VOPP1: variants seen among roughly 807,000 people sequenced by gnomAD.
The protein encoded by VOPP1 is WW domain binding protein VOPP1.
Under a neutral mutation model 23.5 loss-of-function variants are expected in VOPP1, and 8 were observed. The ratio of observed to expected loss-of-function variants is 0.34; its 90% CI spans 0.20 to 0.61. The LOEUF (loss-of-function observed/expected upper bound fraction) is 0.61, where lower values mean the gene tolerates loss of function less well. Ranked by LOEUF, VOPP1 falls within the 20% of genes least tolerant of loss-of-function variation. The pLI, the probability that VOPP1 is intolerant of heterozygous loss-of-function variation, is 0.78. For synonymous variants in VOPP1, 83 were observed against 97.3 expected, an observed-to-expected ratio of 0.85 and a Z score of 0.86; for missense variants, 174 against 238.1, an observed-to-expected ratio of 0.73 and a Z score of 1.77.
At chr7:55,476,365 G>C (rs1048820130) in intron 4 of VOPP1, among the ~76,000 whole-genome samples, 1 of 150,580 alleles carries the variant, frequency 6.6e-6, no homozygotes, top group African/African-American at 2.4e-5. Flanking sequence ...GGGATGGCCA[G>C]GCAGCCTGTA....
At chr7:55,496,861 G>A (rs889344442) in intron 3 of VOPP1, among the ~76,000 whole-genome samples, 1 of 152,232 alleles carries the variant, frequency 6.6e-6, no homozygotes, top group African/African-American at 2.4e-5. Context: ...CTTTTTTGAA[G>A]TTCACTGAAG....
chr7:55,456,950 A>T (rs1171183555), intron 4 of VOPP1, among the ~76,000 whole-genome samples: 2 of 152,128 alleles, frequency 1.3e-5, no homozygotes, highest in Admixed American at 6.5e-5. Context: ...AAGTATAATA[A>T]TATTCTCTTC....
In VOPP1 at chr7:55,472,152, C is replaced by G. The variant is rs1386035918; in HGVS notation, c.*703G>C. 2.0e-5 allele frequency: 3 copies of G among 151,562 alleles called. No individual in the cohort carries two copies. Among genetic ancestry groups the G allele is most frequent in the African/African-American group, 7.3e-5 (3 of 41,192 alleles). 9.4% of individuals were successfully genotyped at this position (151,562 alleles called of 1,614,324 possible). A position where few individuals can be genotyped will look rare whatever the true frequency, so the allele number is the denominator to read the frequency against. ...CAGTTTGGGGCAGGAAGTGATTTCC[C>G]ATGAATTTAAATAAATTTGCTTAGT... On this transcript the variant is annotated 3_prime_UTR_variant, in exon 5 of 5. Transcript: ENST00000285279.
intron 4 of VOPP1, among the ~76,000 whole-genome samples, chr7:55,444,589 C>T (rs1791049190): frequency 6.6e-6 from 1 of 152,164 alleles, no homozygotes; most frequent in African/African-American, 2.4e-5. Flanking sequence ...AAACTGGATA[C>T]AGGACTCATA....
intron 2 of VOPP1, among the ~76,000 whole-genome samples, chr7:55,502,536 A>G (rs924386675): frequency 1.3e-5 from 2 of 152,096 alleles, no homozygotes; most frequent in South Asian, 2.1e-4. Flanking sequence ...GGAGCACACA[A>G]TTACCCAGGT....
At chr7:55,439,713 C>T (rs573095620) in intron 4 of VOPP1, among the ~76,000 whole-genome samples, 3 of 152,336 alleles carry the variant, frequency 2.0e-5, no homozygotes, top group East Asian at 1.9e-4. Flanking sequence ...GAGCAGTGGG[C>T]GCTGCCTCTG....
chr7:55,536,107 G>A (rs1360925484), intron 1 of VOPP1, among the ~76,000 whole-genome samples: 1 of 152,216 alleles, frequency 6.6e-6, no homozygotes, highest in Non-Finnish European at 1.5e-5. Flanking sequence ...AAGCGTTCAG[G>A]AAACCTTTGG....
At chr7:55,506,090 G>A (rs1159805461) in intron 2 of VOPP1, among the ~76,000 whole-genome samples, 4 of 152,098 alleles carry the variant, frequency 2.6e-5, no homozygotes, top group South Asian at 2.1e-4. Flanking sequence ...TTGCTCTGGC[G>A]ACTGTCCTGA....
chr7:55,459,124 CTATTGAGATAATCATAAAG>C (rs1791439180), intron 4 of VOPP1, among the ~76,000 whole-genome samples: 1 of 152,018 alleles, frequency 6.6e-6, no homozygotes, highest in South Asian at 2.1e-4. Context: ...TTTTCTGCAT[CTATTGAGATAATCATAAAG>C]TTTTTTCCTT....
At chr7:55,462,988 T>C (rs1465985341) in intron 4 of VOPP1, among the ~76,000 whole-genome samples, 1 of 152,240 alleles carries the variant, frequency 6.6e-6, no homozygotes, top group Non-Finnish European at 1.5e-5. Flanking sequence ...TTATGATATC[T>C]ATCTCTGTTG....
intron 4 of VOPP1, among the ~76,000 whole-genome samples, chr7:55,490,528 C>T (rs1793491535): frequency 1.3e-5 from 2 of 152,206 alleles, no homozygotes; most frequent in Admixed American, 1.3e-4. Flanking sequence ...ACTCTGAGCT[C>T]GGCCAGGACC....
intron 2 of VOPP1, among the ~76,000 whole-genome samples, chr7:55,506,425 T>A (rs1370848333): frequency 1.3e-5 from 2 of 152,234 alleles, no homozygotes; most frequent in Admixed American, 1.3e-4. Context: ...AACCTCCACC[T>A]CTTGGGTTCA....
chr7:55,525,539 A>C (rs147939305), intron 1 of VOPP1, among the ~76,000 whole-genome samples: 1,666 of 152,096 alleles, frequency 0.011, 12 homozygotes, highest in Middle Eastern at 0.02. Flanking sequence ...TATGAAGAAA[A>C]TGAGATTGCA....
intron 4 of VOPP1, among the ~76,000 whole-genome samples, chr7:55,489,150 G>C (rs1793370638): frequency 6.6e-6 from 1 of 152,226 alleles, no homozygotes; most frequent in South Asian, 2.1e-4. Flanking sequence ...TTCTTCCCAA[G>C]CTCAGCACTG....
chr7:55,448,082 T>C (rs1460254328), intron 4 of VOPP1, among the ~76,000 whole-genome samples: 1 of 152,178 alleles, frequency 6.6e-6, no homozygotes, highest in Non-Finnish European at 1.5e-5. Context: ...GCTGGCAGAA[T>C]TCATAATAAT....
At chr7:55,483,225 GA>G (rs1267273224) in intron 4 of VOPP1, among the ~76,000 whole-genome samples, 1 of 152,136 alleles carries the variant, frequency 6.6e-6, no homozygotes, top group African/African-American at 2.4e-5. Flanking sequence ...TCACCTTGCT[GA>G]AATACAGACC....
intron 4 of VOPP1, among the ~76,000 whole-genome samples, chr7:55,475,722 C>G (rs1792190448): frequency 6.6e-6 from 1 of 152,188 alleles, no homozygotes. Flanking sequence ...ACAAAACATT[C>G]TAGGAAGAGG....
At chr7:55,467,810 G>T (rs996169076), downstream of VOPP1, among the ~76,000 whole-genome samples, 1 of 152,228 alleles carries the variant, frequency 6.6e-6, no homozygotes, top group Non-Finnish European at 1.5e-5. Context: ...TTCACATGAC[G>T]AGGGTCGTGA....
chr7:55,500,026 A>T lies in VOPP1; in HGVS notation c.114-2336T>A, dbSNP rs145760639. On this transcript the variant is annotated intron_variant, in intron 2 of 4. Transcript: ENST00000285279. ...TAGGGTGGATGGAGTTCAGACAATT[A>T]ACTGTAAACTAAAAGAGGTGGGACC... 5.1e-4 allele frequency among the ~76,000 whole-genome samples: 78 copies of T among 152,290 alleles called. No individual in the cohort carries two copies. In the East Asian group the frequency reaches 0.014, roughly 27 times the overall value.
Sources: gnomAD v4.1 joint callset for allele counts (sites outside exome capture counted in the v4.1 genomes callset) on GRCh38, gnomAD v4.1.1 for gene constraint, MANE v1.5 for transcripts, NCBI Gene and HGNC (gene_info 2026-07-23, HGNC 2026-07-21) for gene names.